Variants in TTC28 observed in about 807,000 individuals in gnomAD.
TTC28 encodes the protein tetratricopeptide repeat domain 28, also known as tetratricopeptide repeat protein 28.
In TTC28, 61 loss-of-function variants were observed where a neutral mutation model predicts 198.0. The ratio of observed to expected loss-of-function variants is 0.31; its 90% CI spans 0.25 to 0.38. The LOEUF is 0.38. Ranked by LOEUF, TTC28 falls within the 10% of genes least tolerant of loss-of-function variation. The pLI, the probability that TTC28 is intolerant of heterozygous loss-of-function variation, is 1.00. For missense variants in TTC28, 2,678 were observed against 3,164.0 expected (o/e 0.85, Z 3.69); for synonymous variants, 1,171 against 1,297.8 (o/e 0.90, Z 2.10).
intron 5 of TTC28, among the ~76,000 whole-genome samples, chr22:28,267,779 C>A (rs148869893): frequency 2.4e-3 from 366 of 152,230 alleles, no homozygotes; most frequent in African/African-American, 8.6e-3. Context: ...CCAATAATAT[C>A]AATTAGAACA....
chr22:28,039,420 A>G (rs1939515021), intron 12 of TTC28, among the ~76,000 whole-genome samples: 2 of 152,026 alleles, frequency 1.3e-5, no homozygotes, highest in African/African-American at 4.8e-5. Flanking sequence ...TATAGCAAGG[A>G]CAAAAAACCA....
At chr22:28,263,907 G>A (rs771853242) in intron 5 of TTC28, among the ~76,000 whole-genome samples, 5 of 152,124 alleles carry the variant, frequency 3.3e-5, no homozygotes, top group African/African-American at 7.2e-5. Flanking sequence ...AGACTGATTC[G>A]TGGGTTATGG....
Position 27,978,685 on chromosome 22 carries a change from T to G in TTC28, c.*3536A>C, listed in dbSNP as rs1183958816. ...GGAGGTGAAAACTTTCATTTTGTGTTGCACATCAGTGTGGATCAAAATGTA... is the reference window on the plus strand; with the variant it reads ...GGAGGTGAAAACTTTCATTTTGTGTGGCACATCAGTGTGGATCAAAATGTA... On this transcript the variant is annotated 3_prime_UTR_variant, in exon 23 of 23. Transcript: ENST00000397906. 6.6e-6 allele frequency: 1 copy of G among 152,280 alleles called. No homozygotes were observed. Among genetic ancestry groups the G allele is most frequent in the Admixed American group, 6.5e-5 (1 of 15,292 alleles). 9.4% of individuals were successfully genotyped at this position (152,280 alleles called of 1,614,324 possible). A position where few individuals can be genotyped will look rare whatever the true frequency, so the allele number is the denominator to read the frequency against.
chr22:28,413,423 TAAA>T (rs908424064), intron 2 of TTC28, among the ~76,000 whole-genome samples: 5 of 148,748 alleles, frequency 3.4e-5, no homozygotes, highest in Non-Finnish European at 4.5e-5. Flanking sequence ...GTCTTAAAAT[TAAA>T]AAAAAAAGTT....
At chr22:28,059,121 C>A (rs1336614364) in intron 12 of TTC28, among the ~76,000 whole-genome samples, 2 of 151,808 alleles carry the variant, frequency 1.3e-5, no homozygotes, top group Non-Finnish European at 2.9e-5. Context: ...TTATCTTTAT[C>A]ATTTTCTTCT....
intron 6 of TTC28, among the ~76,000 whole-genome samples, chr22:28,133,953 C>T (rs1193947917): frequency 6.6e-6 from 1 of 152,226 alleles, no homozygotes; most frequent in African/African-American, 2.4e-5. Flanking sequence ...AACTGGGAGG[C>T]ACCCCCTAGT....
chr22:28,338,673 G>A (rs149277501), intron 2 of TTC28, among the ~76,000 whole-genome samples: 5,264 of 152,154 alleles, frequency 0.035, 147 homozygotes, highest in Non-Finnish European at 0.053. Flanking sequence ...TTCTCGTGCC[G>A]TGGTTTTCAG....
chr22:28,343,792 G>C (rs1467090953), intron 2 of TTC28, among the ~76,000 whole-genome samples: 2 of 151,964 alleles, frequency 1.3e-5, no homozygotes, highest in Non-Finnish European at 2.9e-5. Context: ...TTCAAGGGCT[G>C]GTATAAAACT....
intron 2 of TTC28, among the ~76,000 whole-genome samples, chr22:28,436,205 G>T (rs1355733249): frequency 6.6e-6 from 1 of 152,142 alleles, no homozygotes; most frequent in Non-Finnish European, 1.5e-5. Context: ...AGATAAATTT[G>T]CAAGCTTAGC....
chr22:28,001,761 G>A, intron 14 of TTC28: 1 of 596,896 alleles, frequency 1.7e-6, no homozygotes, highest in Non-Finnish European at 2.9e-6. Context: ...GGCAAGGGCT[G>A]GCCTGGCAGC....
rs141195987 is a variant in TTC28, at chr22:28,541,622, T to C, written c.381+87930A>G. ...TGTAAAACATGACCTGAAGAAAAAT[T>C]AATAAAGATTGCCAAAATGACTGAG... is the stretch of plus-strand genomic sequence containing the variant. On this transcript the variant is annotated intron_variant, in intron 2 of 22. Coordinates refer to ENST00000397906, the MANE Select transcript of TTC28 (RefSeq NM_001145418.2). 2.2e-4 allele frequency among the ~76,000 whole-genome samples: 33 copies of C among 152,070 alleles called. No individual in the cohort carries two copies. In the East Asian group the frequency reaches 5.8e-3, roughly 27 times the overall value.
intron 2 of TTC28, among the ~76,000 whole-genome samples, chr22:28,520,594 CA>C (rs376848326): frequency 7.2e-4 from 110 of 152,158 alleles, no homozygotes; most frequent in African/African-American, 2.6e-3. Context: ...AGTAAATGAA[CA>C]AATAAACAAA....
intron 5 of TTC28, among the ~76,000 whole-genome samples, chr22:28,272,279 T>C (rs1932137971): frequency 1.3e-5 from 2 of 152,168 alleles, no homozygotes; most frequent in South Asian, 4.1e-4. Flanking sequence ...CAAATCAAGG[T>C]TGAATTGATT....
At chr22:28,537,339 A>AAAAAC (rs1775005767) in intron 2 of TTC28, among the ~76,000 whole-genome samples, 1 of 148,436 alleles carries the variant, frequency 6.7e-6, no homozygotes, top group African/African-American at 2.5e-5. Flanking sequence ...AAAATAAAAT[A>AAAAAC]AAAACAAGAA....
chr22:28,638,022 T>A (rs908602785), intron 1 of TTC28, among the ~76,000 whole-genome samples: 1 of 152,144 alleles, frequency 6.6e-6, no homozygotes, highest in Non-Finnish European at 1.5e-5. Context: ...TAAATACATA[T>A]ACACCCAAAA....
Position 28,241,903 on chromosome 22 carries a change from AT to A in TTC28, c.933+54294del, listed in dbSNP as rs573623419. 6.3e-4 allele frequency among the ~76,000 whole-genome samples: 96 copies of A among 152,280 alleles called. 1 individual carries two copies. Among genetic ancestry groups the A allele is most frequent in the Middle Eastern group, 3.4e-3 (1 of 294 alleles). On this transcript the variant is annotated intron_variant, in intron 5 of 22. Coordinates refer to ENST00000397906, the MANE Select transcript of TTC28 (RefSeq NM_001145418.2). ...GTGTTTTGTGGTTATACACTAAAAA[AT>A]ATCAGGCTTTTTTTGTAAATAAAAA...
chr22:28,559,943 A>G (rs138907266), intron 2 of TTC28, among the ~76,000 whole-genome samples: 1 of 152,262 alleles, frequency 6.6e-6, no homozygotes, highest in East Asian at 1.9e-4. Context: ...GATCTCTCCC[A>G]TGGGCCCAAA....
At chr22:28,324,208 T>C (rs183984157) in intron 2 of TTC28, among the ~76,000 whole-genome samples, 3 of 152,206 alleles carry the variant, frequency 2.0e-5, no homozygotes, top group South Asian at 2.1e-4. Context: ...TCCCAGCCAT[T>C]TGGGAGGCCG....
intron 2 of TTC28, among the ~76,000 whole-genome samples, chr22:28,590,333 G>A (rs1012002935): frequency 5.3e-5 from 8 of 152,016 alleles, no homozygotes; most frequent in Admixed American, 5.2e-4. Flanking sequence ...GTTTCACCAT[G>A]TTAGCCAGGA....
Sources: allele counts gnomAD v4.1 joint callset (sites outside exome capture counted in the v4.1 genomes callset), GRCh38; gene constraint gnomAD v4.1.1; transcripts MANE v1.5; gene names NCBI Gene and HGNC (gene_info 2026-07-23, HGNC 2026-07-21).